Variants in RFPL1 observed in about 807,000 individuals in gnomAD.
RFPL1 encodes the protein ret finger protein like 1, also known as ret finger protein-like 1.
In RFPL1, 6 loss-of-function variants were observed where a neutral mutation model predicts 9.6. The ratio of observed to expected loss-of-function variants is 0.62; its 90% CI spans 0.34 to 1.23. The LOEUF (loss-of-function observed/expected upper bound fraction) is 1.23, where lower values mean the gene tolerates loss of function less well. RFPL1 is among the 50% of genes most tolerant of loss of function. RFPL1 has a pLI of 0.03. For missense variants in RFPL1, 352 were observed against 398.4 expected (o/e 0.88, Z 0.99); for synonymous variants, 145 against 149.4 (o/e 0.97, Z 0.22).
At chr22:29,404,867 C>A in the RFPL1 span, among the ~76,000 whole-genome samples, 1 of 152,082 alleles carries the variant, frequency 6.6e-6, no homozygotes, top group Non-Finnish European at 1.5e-5. Context: ...CCTAGGTAAA[C>A]AAGAGCTCAC....
chr22:29,392,377 G>C, the RFPL1 span, among the ~76,000 whole-genome samples: 1 of 75,732 alleles, frequency 1.3e-5, no homozygotes, highest in Non-Finnish European at 2.6e-5. Context: ...ACCACACCTG[G>C]CTTTTTTTTT....
At chr22:29,427,896 A>G in the RFPL1 span, among the ~76,000 whole-genome samples, 1 of 152,168 alleles carries the variant, frequency 6.6e-6, no homozygotes, top group Non-Finnish European at 1.5e-5. Context: ...AACAACCTTG[A>G]TGTTACTCTA....
At chr22:29,393,385 A>G in the RFPL1 span, among the ~76,000 whole-genome samples, 3 of 152,192 alleles carry the variant, frequency 2.0e-5, no homozygotes, top group African/African-American at 7.2e-5. Flanking sequence ...AGCTAAAAAT[A>G]TACTAGTAAG....
the RFPL1 span, among the ~76,000 whole-genome samples, chr22:29,406,976 T>G: frequency 6.6e-6 from 1 of 152,212 alleles, no homozygotes; most frequent in Non-Finnish European, 1.5e-5. Context: ...TGCTATGTCA[T>G]GTTCTTCATT....
the RFPL1 span, among the ~76,000 whole-genome samples, chr22:29,400,293 G>A: frequency 6.6e-6 from 1 of 152,128 alleles, no homozygotes; most frequent in Non-Finnish European, 1.5e-5. Context: ...ACCACGCCCG[G>A]CCTATCAAGC....
the RFPL1 span, among the ~76,000 whole-genome samples, chr22:29,413,539 A>C: frequency 6.6e-6 from 1 of 152,182 alleles, no homozygotes. Flanking sequence ...ATTAGTTTTT[A>C]GACCAAAGAA....
At chr22:29,439,473 A>C in intron 1 of RFPL1, 1 of 308,124 alleles carries the variant, frequency 3.2e-6, no homozygotes, top group Non-Finnish European at 6.0e-6. Flanking sequence ...CTCTACTAAA[A>C]ATACAAAAAA....
chr22:29,418,345 G>C, the RFPL1 span, among the ~76,000 whole-genome samples: 1 of 152,160 alleles, frequency 6.6e-6, no homozygotes, highest in African/African-American at 2.4e-5. Flanking sequence ...TATCGGGTGC[G>C]ATAGAGGCTG....
the RFPL1 span, among the ~76,000 whole-genome samples, chr22:29,431,547 T>C: frequency 2.6e-5 from 4 of 152,218 alleles, no homozygotes; most frequent in Non-Finnish European, 5.9e-5. Flanking sequence ...GGAGGGTCTC[T>C]GAGTCTAGTA....
At chr22:29,409,226 C>T in the RFPL1 span, among the ~76,000 whole-genome samples, 1 of 152,168 alleles carries the variant, frequency 6.6e-6, no homozygotes, top group Non-Finnish European at 1.5e-5. Context: ...AAAGAAACCC[C>T]ACTAGTAGTC....
At chr22:29,420,628 TTTTTGC>T in the RFPL1 span, among the ~76,000 whole-genome samples, 12 of 20,046 alleles carry the variant, frequency 6.0e-4, 3 homozygotes, top group Non-Finnish European at 1.0e-3. Flanking sequence ...TGCAGATGGT[TTTTTGC>T]TTTTTTTTTT....
chr22:29,407,552 GAA>G, the RFPL1 span, among the ~76,000 whole-genome samples: 2 of 151,206 alleles, frequency 1.3e-5, no homozygotes, highest in Non-Finnish European at 2.9e-5. Context: ...TTAGTTTTTT[GAA>G]AAGATATTAA....
the RFPL1 span, among the ~76,000 whole-genome samples, chr22:29,389,829 C>T: frequency 3.3e-5 from 5 of 151,174 alleles, no homozygotes; most frequent in Middle Eastern, 3.2e-3. Flanking sequence ...GACAGGGTCT[C>T]GCTCTGTTGC....
the RFPL1 span, among the ~76,000 whole-genome samples, chr22:29,395,822 A>G: frequency 6.6e-6 from 1 of 151,856 alleles, no homozygotes; most frequent in Non-Finnish European, 1.5e-5. Context: ...AAAACACAAA[A>G]ATTAGCTGGG....
chr22:29,410,565 T>C, the RFPL1 span, among the ~76,000 whole-genome samples: 2 of 90,806 alleles, frequency 2.2e-5, no homozygotes, highest in African/African-American at 6.8e-5. Flanking sequence ...ATTGTAGATA[T>C]ATATATTGTA....
the RFPL1 span, among the ~76,000 whole-genome samples, chr22:29,398,583 T>A: frequency 6.6e-6 from 1 of 152,208 alleles, no homozygotes; most frequent in South Asian, 2.1e-4. Context: ...TTTCTAGCCG[T>A]GTGACCCTGA....
the RFPL1 span, chr22:29,419,394 G>T: frequency 1.8e-5 from 11 of 614,386 alleles, no homozygotes; most frequent in Admixed American, 3.1e-4. Flanking sequence ...AGCTTCAGGC[G>T]CCTGGCCTCA....
At chr22:29,395,429 T>G in the RFPL1 span, among the ~76,000 whole-genome samples, 6 of 151,994 alleles carry the variant, frequency 3.9e-5, no homozygotes, top group African/African-American at 9.7e-5. Context: ...GCAGGCAGCT[T>G]CCCATCCCTC....
chr22:29,433,290 CA>C, the RFPL1 span: 2,136 of 110,980 alleles, frequency 0.019, 53 homozygotes, highest in African/African-American at 0.061. Flanking sequence ...GACTCCGTCT[CA>C]AAAAAAAAAA....
Sources: gnomAD v4.1 joint callset for allele counts (sites outside exome capture counted in the v4.1 genomes callset) on GRCh38, gnomAD v4.1.1 for gene constraint, MANE v1.5 for transcripts, NCBI Gene and HGNC (gene_info 2026-07-23, HGNC 2026-07-21) for gene names.